The following LGSN variants were observed in gnomAD, a reference collection of about 807,000 sequenced individuals.
LGSN encodes the protein lengsin, lens protein with glutamine synthetase domain, also known as lengsin.
In LGSN, 21 loss-of-function variants were observed where a neutral mutation model predicts 19.5. The observed-to-expected ratio is 1.07, with a 90% CI of 0.76 to 1.55. The LOEUF (loss-of-function observed/expected upper bound fraction) is 1.55. Among genes scored for constraint, LGSN ranks in the 40% most tolerant of loss-of-function variants. The pLI is 0.00. For missense variants in LGSN, 673 were observed against 608.5 expected, an observed-to-expected ratio of 1.11 and a Z score of -1.12; for synonymous variants, 257 against 215.6, an observed-to-expected ratio of 1.19 and a Z score of -1.68.
chr6:63,384,514 TG>T, the LGSN span, among the ~76,000 whole-genome samples: 1 of 151,536 alleles, frequency 6.6e-6, no homozygotes, highest in African/African-American at 2.4e-5. Flanking sequence ...TGTGTGTGTG[TG>T]TGTGTGTGTG....
At chr6:63,557,901 T>C in the LGSN span, among the ~76,000 whole-genome samples, 1 of 152,078 alleles carries the variant, frequency 6.6e-6, no homozygotes, top group Non-Finnish European at 1.5e-5. Flanking sequence ...TATGCTTTTT[T>C]TTTTTTGAGA....
the LGSN span, among the ~76,000 whole-genome samples, chr6:63,326,916 G>A: frequency 6.6e-6 from 1 of 152,196 alleles, no homozygotes. Context: ...GCAGCGGTGG[G>A]CCAAAGGGCT....
At chr6:63,390,211 C>A in the LGSN span, among the ~76,000 whole-genome samples, 1 of 141,404 alleles carries the variant, frequency 7.1e-6, no homozygotes, top group Non-Finnish European at 1.5e-5. Flanking sequence ...CTCACTGCAA[C>A]CTCCTTCTTC....
the LGSN span, among the ~76,000 whole-genome samples, chr6:63,473,480 A>G: frequency 1.3e-5 from 2 of 150,638 alleles, no homozygotes; most frequent in Non-Finnish European, 3.0e-5. Context: ...TCTAAAAAAA[A>G]AAAAAAAAAA....
At chr6:63,445,752 C>T in the LGSN span, among the ~76,000 whole-genome samples, 3 of 152,172 alleles carry the variant, frequency 2.0e-5, no homozygotes, top group Non-Finnish European at 4.4e-5. Flanking sequence ...TGTTTGGAAG[C>T]TTTATAAACT....
the LGSN span, among the ~76,000 whole-genome samples, chr6:63,494,210 A>G: frequency 1.3e-5 from 2 of 152,116 alleles, no homozygotes; most frequent in Admixed American, 1.3e-4. Flanking sequence ...TCAGCCTCCT[A>G]AAGTGCTGAG....
At chr6:63,526,297 C>T in the LGSN span, among the ~76,000 whole-genome samples, 5 of 151,998 alleles carry the variant, frequency 3.3e-5, no homozygotes, top group East Asian at 1.9e-4. Context: ...TGCACTCCAG[C>T]CTGGGTAACA....
At chr6:63,548,193 T>G in the LGSN span, among the ~76,000 whole-genome samples, 1 of 152,212 alleles carries the variant, frequency 6.6e-6, no homozygotes, top group African/African-American at 2.4e-5. Context: ...TTCCCTACTA[T>G]AACACTTTCT....
chr6:63,508,778 G>C, the LGSN span, among the ~76,000 whole-genome samples: 1 of 151,658 alleles, frequency 6.6e-6, no homozygotes, highest in African/African-American at 2.4e-5. Context: ...AATTAGGCGG[G>C]CGTGGTGGTG....
At chr6:63,325,761 C>T in the LGSN span, among the ~76,000 whole-genome samples, 1 of 152,248 alleles carries the variant, frequency 6.6e-6, no homozygotes, top group East Asian at 1.9e-4. Flanking sequence ...CGTGGTCTCG[C>T]TGGCTTCAGG....
At chr6:63,466,659 T>C in the LGSN span, among the ~76,000 whole-genome samples, 1 of 152,062 alleles carries the variant, frequency 6.6e-6, no homozygotes, top group Non-Finnish European at 1.5e-5. Context: ...AGAGTGGAAA[T>C]TGGAGATAAG....
At chr6:63,470,259 GGAGT>G in the LGSN span, among the ~76,000 whole-genome samples, 1 of 151,790 alleles carries the variant, frequency 6.6e-6, no homozygotes. Context: ...CCTGAGGTCA[GGAGT>G]TCAAGACCAA....
At chr6:63,475,314 CAAAA>C in the LGSN span, among the ~76,000 whole-genome samples, 2 of 99,304 alleles carry the variant, frequency 2.0e-5, no homozygotes, top group Admixed American at 1.2e-4. Flanking sequence ...ATAGATCTGC[CAAAA>C]AAAAAAAAAA....
At chr6:63,501,335 C>T in the LGSN span, among the ~76,000 whole-genome samples, 3 of 147,114 alleles carry the variant, frequency 2.0e-5, no homozygotes, top group Admixed American at 6.9e-5. Context: ...GCACTCTAGC[C>T]TGGGCGACAA....
At chr6:63,480,946 T>G in the LGSN span, among the ~76,000 whole-genome samples, 3,533 of 31,278 alleles carry the variant, frequency 0.11, 151 homozygotes, top group Non-Finnish European at 0.14. Flanking sequence ...AAATGATATA[T>G]ATATATATAT....
the LGSN span, among the ~76,000 whole-genome samples, chr6:63,490,735 G>A: frequency 1.3e-5 from 2 of 151,900 alleles, no homozygotes; most frequent in Admixed American, 1.3e-4. Flanking sequence ...CACCACGCCC[G>A]GCTACCAAAA....
intron 1 of LGSN, among the ~76,000 whole-genome samples, chr6:63,306,625 G>T (rs1187347761): frequency 6.6e-6 from 1 of 152,160 alleles, no homozygotes; most frequent in East Asian, 1.9e-4. Flanking sequence ...TGTTGCTGTG[G>T]CAGTTAAGGG....
the LGSN span, among the ~76,000 whole-genome samples, chr6:63,327,272 A>G: frequency 1.3e-5 from 2 of 152,212 alleles, no homozygotes; most frequent in African/African-American, 4.8e-5. Flanking sequence ...GAGGAAACAA[A>G]TTTGACAAGA....
the LGSN span, among the ~76,000 whole-genome samples, chr6:63,360,030 C>A: frequency 6.6e-6 from 1 of 152,200 alleles, no homozygotes; most frequent in East Asian, 1.9e-4. Context: ...GCCAAGAGAT[C>A]AGCTGTTAGT....
Sources: allele counts gnomAD v4.1 joint callset (sites outside exome capture counted in the v4.1 genomes callset), GRCh38; gene constraint gnomAD v4.1.1; transcripts MANE v1.5; gene names NCBI Gene and HGNC (gene_info 2026-07-23, HGNC 2026-07-21).